Variants in KCNH1 observed in about 807,000 individuals in gnomAD.
KCNH1 encodes the protein potassium voltage-gated channel subfamily H member 1.
In KCNH1, 27 loss-of-function variants were observed where a neutral mutation model predicts 69.2. That is an observed-to-expected ratio of 0.39 (90% CI 0.29 to 0.54). KCNH1 has a LOEUF of 0.54. Among genes scored for constraint, KCNH1 ranks in the 20% least tolerant of loss-of-function variants. The probability of loss-of-function intolerance (pLI) is 0.68; values close to 1 mark genes in which losing one functional copy is unlikely to be tolerated. For synonymous variants in KCNH1, 456 were observed against 487.7 expected (o/e 0.93, Z 0.86); for missense variants, 798 against 1,261.6 (o/e 0.63, Z 5.57).
intron 7 of KCNH1, among the ~76,000 whole-genome samples, chr1:210,843,145 A>G (rs915920140): frequency 6.6e-6 from 1 of 152,250 alleles, no homozygotes; most frequent in African/African-American, 2.4e-5. Context: ...AAGCTCTCTT[A>G]GCGGAAGCAA....
intron 7 of KCNH1, among the ~76,000 whole-genome samples, chr1:210,866,066 G>T (rs956357766): frequency 6.6e-6 from 1 of 152,146 alleles, no homozygotes; most frequent in African/African-American, 2.4e-5. Flanking sequence ...ATATCTGCAT[G>T]CAAGTGAATG....
intron 5 of KCNH1, among the ~76,000 whole-genome samples, chr1:211,055,639 A>C (rs1372072876): frequency 1.3e-5 from 2 of 152,198 alleles, no homozygotes; most frequent in Non-Finnish European, 2.9e-5. Flanking sequence ...CGCAGCTCAC[A>C]GCTCCAGGAA....
At chr1:211,090,503 A>G in intron 4 of KCNH1, 59 bp downstream of exon 4, 1 of 1,480,894 alleles carries the variant, frequency 6.8e-7, no homozygotes, top group Non-Finnish European at 9.1e-7. Flanking sequence ...CTCTGTAACA[A>G]GAGCCACAAT....
chr1:210,808,737 G>A (rs572270882), intron 7 of KCNH1, among the ~76,000 whole-genome samples: 14 of 152,088 alleles, frequency 9.2e-5, no homozygotes, highest in Admixed American at 3.9e-4. Context: ...TTTCATGCAC[G>A]TAACGTTTAA....
At chr1:210,930,750 C>T (rs1023131962) in intron 6 of KCNH1, among the ~76,000 whole-genome samples, 5 of 152,270 alleles carry the variant, frequency 3.3e-5, no homozygotes, top group Admixed American at 2.0e-4. Context: ...TAATAGACAA[C>T]CCACAGAGTG....
intron 7 of KCNH1, among the ~76,000 whole-genome samples, chr1:210,819,788 T>A (rs1684890426): frequency 6.6e-6 from 1 of 152,234 alleles, no homozygotes; most frequent in African/African-American, 2.4e-5. Flanking sequence ...AACAGTTGAC[T>A]TGGTGTAGCT....
chr1:210,701,215 G>A (rs1230550403), intron 10 of KCNH1, among the ~76,000 whole-genome samples: 1 of 152,218 alleles, frequency 6.6e-6, no homozygotes, highest in African/African-American at 2.4e-5. Context: ...GGGATTACAG[G>A]CGTGAGCCAC....
chr1:210,738,966 G>A (rs1306434473), intron 10 of KCNH1, among the ~76,000 whole-genome samples: 1 of 152,172 alleles, frequency 6.6e-6, no homozygotes, highest in South Asian at 2.1e-4. Flanking sequence ...TAAGTAGCTA[G>A]TGTCACTTTC....
chr1:210,685,564 A>G (rs114392586), intron 10 of KCNH1, among the ~76,000 whole-genome samples: 3,857 of 152,340 alleles, frequency 0.025, 53 homozygotes, highest in Middle Eastern at 0.041. Context: ...TCACAGAGGT[A>G]TCTTAACTTC....
intron 7 of KCNH1, among the ~76,000 whole-genome samples, chr1:210,870,273 T>C (rs1373015796): frequency 1.3e-5 from 2 of 152,128 alleles, no homozygotes; most frequent in Admixed American, 1.3e-4. Context: ...GTTAATACAG[T>C]GAAAAAACAT....
intron 6 of KCNH1, among the ~76,000 whole-genome samples, chr1:210,990,872 A>C (rs145721638): frequency 6.6e-6 from 1 of 152,288 alleles, no homozygotes; most frequent in Non-Finnish European, 1.5e-5. Flanking sequence ...AAAAAATATT[A>C]AGTGCTAAGG....
intron 10 of KCNH1, among the ~76,000 whole-genome samples, chr1:210,764,109 A>G (rs1443597406): frequency 6.6e-6 from 1 of 152,182 alleles, no homozygotes; most frequent in Admixed American, 6.5e-5. Flanking sequence ...AACAAAAATA[A>G]ACAATAGGGA....
intron 9 of KCNH1, among the ~76,000 whole-genome samples, chr1:210,790,312 A>G (rs1456309737): frequency 6.6e-6 from 1 of 152,192 alleles, no homozygotes; most frequent in African/African-American, 2.4e-5. Flanking sequence ...ACAATGTAAC[A>G]AGTCAAAATG....
intron 6 of KCNH1, among the ~76,000 whole-genome samples, chr1:210,957,301 T>C (rs78340938): frequency 6.6e-6 from 1 of 152,206 alleles, no homozygotes; most frequent in Non-Finnish European, 1.5e-5. Flanking sequence ...ATTTCTGTTC[T>C]TCTACATTTG....
chr1:210,892,120 G>A (rs895193985), intron 7 of KCNH1, among the ~76,000 whole-genome samples: 4 of 151,964 alleles, frequency 2.6e-5, no homozygotes, highest in Admixed American at 1.3e-4. Context: ...GTAGATCACA[G>A]GTTGATGGGT....
rs571191489 is a variant in KCNH1 at position 211,029,811 on chromosome 1, A to C, written c.559-10555T>G. Among the ~76,000 whole-genome samples, 5 of 152,334 alleles carry C rather than the reference A, an allele frequency of 3.3e-5. 1 individual carries two copies. In the South Asian group the frequency reaches 1.0e-3, roughly 32 times the overall value. On this transcript the variant is annotated intron_variant, in intron 5 of 10. Transcript: ENST00000271751. Reference sequence around the variant, plus strand: ...AACATCCCAAAGAATTCACATAAAAACTTCCAGAACTAATAAGTGAGTTCA... The same window carrying C: ...AACATCCCAAAGAATTCACATAAAACCTTCCAGAACTAATAAGTGAGTTCA...
At chr1:210,788,846 GCC>G (rs1684159275) in intron 9 of KCNH1, among the ~76,000 whole-genome samples, 1 of 149,620 alleles carries the variant, frequency 6.7e-6, no homozygotes, top group African/African-American at 2.5e-5. Flanking sequence ...ACAGGCGCCC[GCC>G]ACTACGCCCG....
intron 7 of KCNH1, among the ~76,000 whole-genome samples, chr1:210,839,061 A>G (rs1685350256): frequency 1.3e-5 from 2 of 152,226 alleles, no homozygotes; most frequent in South Asian, 4.1e-4. Context: ...ATTACCAAGT[A>G]TATACCCAAA....
chr1:211,099,027 G>A (rs575183480), intron 3 of KCNH1, among the ~76,000 whole-genome samples: 1 of 152,224 alleles, frequency 6.6e-6, no homozygotes, highest in Admixed American at 6.5e-5. Flanking sequence ...AAATATATTT[G>A]TATAACAATT....
Sources: gnomAD v4.1 joint callset for allele counts (sites outside exome capture counted in the v4.1 genomes callset) on GRCh38, gnomAD v4.1.1 for gene constraint, MANE v1.5 for transcripts, NCBI Gene and HGNC (gene_info 2026-07-23, HGNC 2026-07-21) for gene names.